Variants in ZDHHC21 observed in about 807,000 individuals in gnomAD.
ZDHHC21 encodes palmitoyltransferase ZDHHC21.
In ZDHHC21, 15 loss-of-function variants were observed where a neutral mutation model predicts 34.6. The ratio of observed to expected loss-of-function variants is 0.43; its 90% CI spans 0.29 to 0.67. The LOEUF (loss-of-function observed/expected upper bound fraction) is 0.67, where lower values mean the gene tolerates loss of function less well. ZDHHC21 is among the 30% of genes least tolerant of loss of function. ZDHHC21 has a pLI of 0.14. For synonymous variants in ZDHHC21, 142 were observed against 101.8 expected, an observed-to-expected ratio of 1.40 and a Z score of -2.38; for missense variants, 344 against 327.7, an observed-to-expected ratio of 1.05 and a Z score of -0.38.
chr9:14,639,093 T>C (rs1490201439), intron 8 of ZDHHC21, among the ~76,000 whole-genome samples: 1 of 152,026 alleles, frequency 6.6e-6, no homozygotes, highest in African/African-American at 2.4e-5. Context: ...AGAGCAAGGA[T>C]AGGAAATCAA....
At chr9:14,692,832 G>A (rs1208748819) in intron 1 of ZDHHC21, among the ~76,000 whole-genome samples, 1 of 144,282 alleles carries the variant, frequency 6.9e-6, no homozygotes, top group East Asian at 2.1e-4. Flanking sequence ...CCCAGTGCAG[G>A]TCTCCAGACG....
intron 8 of ZDHHC21, among the ~76,000 whole-genome samples, chr9:14,621,991 G>C (rs1586894237): frequency 6.6e-6 from 1 of 152,030 alleles, no homozygotes. Context: ...TATCCTCAAG[G>C]AGTTTAAATA....
chr9:14,641,394 T>C (rs1174278067), intron 7 of ZDHHC21, among the ~76,000 whole-genome samples: 1 of 152,146 alleles, frequency 6.6e-6, no homozygotes, highest in East Asian at 1.9e-4. Context: ...GTGGATGACA[T>C]AAAAAATTAA....
chr9:14,665,596 G>A (rs1189002630), intron 5 of ZDHHC21, among the ~76,000 whole-genome samples: 3 of 147,652 alleles, frequency 2.0e-5, no homozygotes, highest in Non-Finnish European at 3.0e-5. Flanking sequence ...GGCAGCCAGA[G>A]AGAAAGGTCG....
chr9:14,603,052 G>C, the ZDHHC21 span, among the ~76,000 whole-genome samples: 5 of 152,048 alleles, frequency 3.3e-5, no homozygotes, highest in Non-Finnish European at 7.4e-5. Flanking sequence ...GGAGTTGAGG[G>C]GGAGCAGTAA....
rs563794843 is a variant in ZDHHC21 at position 14,614,317 on chromosome 9, A to G, written c.*4649T>C. 1 of 151,684 alleles carries G rather than the reference A, an allele frequency of 6.6e-6. No individual in the cohort carries two copies. Among genetic ancestry groups the G allele is most frequent in the East Asian group, 1.9e-4 (1 of 5,170 alleles). 9.4% of individuals were successfully genotyped at this position (151,684 alleles called of 1,614,324 possible). A position where few individuals can be genotyped will look rare whatever the true frequency, so the allele number is the denominator to read the frequency against. ...AATATCAATGACTTTTTAAAATACC[A>G]TTGTTATTTCTGTTTCAAATTAGCA... is the stretch of plus-strand genomic sequence containing the variant. On this transcript the variant is annotated 3_prime_UTR_variant, in exon 10 of 10. Transcript: ENST00000380916.
intron 8 of ZDHHC21, chr9:14,622,416 G>T: frequency 2.4e-6 from 1 of 417,620 alleles, no homozygotes; most frequent in Non-Finnish European, 3.2e-6. Flanking sequence ...ATGGGGGGGC[G>T]GGGAAGTTCC....
chr9:14,664,392 A>G (rs1345196909), intron 5 of ZDHHC21, among the ~76,000 whole-genome samples: 1 of 151,152 alleles, frequency 6.6e-6, no homozygotes, highest in Non-Finnish European at 1.5e-5. Flanking sequence ...CTAGCACAGC[A>G]GTCTGAGATC....
chr9:14,633,354 C>T (rs1827690735), intron 8 of ZDHHC21, among the ~76,000 whole-genome samples: 1 of 152,016 alleles, frequency 6.6e-6, no homozygotes, highest in South Asian at 2.1e-4. Context: ...AGTCAGTGAC[C>T]CCTACTGCCC....
Position 14,674,380 on chromosome 9 carries a change from A to G in ZDHHC21, c.-40T>C, listed in dbSNP as rs962218672. ...ACTGCCTGCTAACCCACAAGGAAGGATGATCCTAAGGAGAAGGAACAAAGA... is the reference window on the plus strand; with the variant it reads ...ACTGCCTGCTAACCCACAAGGAAGGGTGATCCTAAGGAGAAGGAACAAAGA... On this transcript the variant is annotated 5_prime_UTR_variant, in exon 4 of 10. Coordinates refer to ENST00000380916, the MANE Select transcript of ZDHHC21 (RefSeq NM_178566.6). 7 of 1,563,428 alleles carry G rather than the reference A, an allele frequency of 4.5e-6. No homozygotes were observed. The highest frequency in any genetic ancestry group is 6.0e-6 in the Non-Finnish European group (7 of 1,159,060).
downstream of ZDHHC21, among the ~76,000 whole-genome samples, chr9:14,610,152 TTACAA>T (rs2133353384): frequency 6.6e-6 from 1 of 152,164 alleles, no homozygotes; most frequent in South Asian, 2.1e-4. Flanking sequence ...TTATTTTCTA[TTACAA>T]TAAATACTGA....
intron 2 of ZDHHC21, among the ~76,000 whole-genome samples, chr9:14,680,826 G>C (rs1305303330): frequency 6.6e-6 from 1 of 152,144 alleles, no homozygotes; most frequent in Non-Finnish European, 1.5e-5. Flanking sequence ...AGTTAAGACA[G>C]AGAGCAAGGG....
At position 14,641,510 on chromosome 9, in the gene ZDHHC21, G is replaced by A. The variant is rs1829371569; in HGVS notation, c.505-1498C>T. 2.0e-5 allele frequency among the ~76,000 whole-genome samples: 3 copies of A among 152,046 alleles called. No homozygotes were observed. The South Asian group carries it at 6.2e-4, about 32-fold the overall frequency. On this transcript the variant is annotated intron_variant, in intron 7 of 9. Coordinates refer to ENST00000380916, the MANE Select transcript of ZDHHC21 (RefSeq NM_178566.6). ...ATCATTCTTATGCATACTTTTATCT[G>A]TGAAAAAATCCTAGATGAACACAAA...
At chr9:14,677,430 C>T (rs1028853074) in intron 3 of ZDHHC21, 7 of 151,970 alleles carry the variant, frequency 4.6e-5, no homozygotes, top group African/African-American at 1.7e-4. Flanking sequence ...GATCTCTCCA[C>T]TCAATTAATA....
intron 3 of ZDHHC21, among the ~76,000 whole-genome samples, chr9:14,678,983 G>C (rs954976777): frequency 2.0e-5 from 3 of 152,054 alleles, no homozygotes; most frequent in Non-Finnish European, 4.4e-5. Flanking sequence ...TTTCTGGAAA[G>C]AGACAGGGAT....
the ZDHHC21 span, among the ~76,000 whole-genome samples, chr9:14,602,928 CAAAAAAAAA>C: frequency 2.5e-4 from 22 of 88,062 alleles, no homozygotes; most frequent in Admixed American, 1.8e-3. Context: ...GACTTCATCT[CAAAAAAAAA>C]AAAAAAAAAA....
intron 2 of ZDHHC21, among the ~76,000 whole-genome samples, chr9:14,687,844 T>C (rs1838570604): frequency 1.3e-5 from 2 of 150,968 alleles, no homozygotes; most frequent in Non-Finnish European, 2.9e-5. Context: ...TTTTCAAACA[T>C]ACCAATTTTT....
chr9:14,605,708 A>G, the ZDHHC21 span, among the ~76,000 whole-genome samples: 4 of 152,180 alleles, frequency 2.6e-5, no homozygotes, highest in African/African-American at 9.7e-5. Flanking sequence ...CCACTTGTCT[A>G]TATTTGCTTT....
At chr9:14,606,367 T>C (rs1158835870), downstream of ZDHHC21, among the ~76,000 whole-genome samples, 1 of 152,218 alleles carries the variant, frequency 6.6e-6, no homozygotes, top group South Asian at 2.1e-4. Flanking sequence ...CCAGCCATCA[T>C]GCTGTAAGTA....
Sources: allele counts gnomAD v4.1 joint callset (sites outside exome capture counted in the v4.1 genomes callset), GRCh38; gene constraint gnomAD v4.1.1; transcripts MANE v1.5; gene names NCBI Gene and HGNC (gene_info 2026-07-23, HGNC 2026-07-21).